Variants in NR5A1 observed in about 807,000 individuals in gnomAD.
NR5A1 encodes the protein nuclear receptor subfamily 5 group A member 1, also known as steroidogenic factor 1.
NR5A1 carries 6 observed loss-of-function variants against 42.7 expected under a neutral mutation model. That is an observed-to-expected ratio of 0.14 (90% CI 0.08 to 0.28). The LOEUF (loss-of-function observed/expected upper bound fraction) is 0.28, where lower values mean the gene tolerates loss of function less well. NR5A1 is among the 10% of genes least tolerant of loss of function. The pLI is 1.00. For synonymous variants in NR5A1, 274 were observed against 277.5 expected, an observed-to-expected ratio of 0.99 and a Z score of 0.12; for missense variants, 442 against 626.4, an observed-to-expected ratio of 0.71 and a Z score of 3.14.
intron 6 of NR5A1, among the ~76,000 whole-genome samples, chr9:124,488,415 T>C (rs1273890712): frequency 2.0e-5 from 3 of 152,136 alleles, no homozygotes; most frequent in African/African-American, 7.2e-5. Context: ...CCTCACCAGG[T>C]TCCTGGCCTG....
At chr9:124,506,933 G>A (rs1371451032) in intron 1 of NR5A1, 1 of 152,832 alleles carries the variant, frequency 6.5e-6, no homozygotes, top group Admixed American at 6.5e-5. Context: ...GACAGGCCCA[G>A]AGCCCTCCAG....
At position 124,502,178 on chromosome 9, in the gene NR5A1, G is replaced by T. The variant is rs78659460; in HGVS notation, c.244+901C>A. Among the ~76,000 whole-genome samples the T allele has an allele frequency of 1.7e-3, 264 of 152,280 alleles. 4 individuals are homozygous for T. In the East Asian group the frequency reaches 0.047, roughly 27 times the overall value. On this transcript the variant is annotated intron_variant, in intron 3 of 6. Coordinates refer to ENST00000373588, the MANE Select transcript of NR5A1 (RefSeq NM_004959.5). ...CAGATCCTAATGGAAAGCGTGATGGGCTTGACAGCTAACCTGCGGCAATGA... is the reference window on the plus strand; with the variant it reads ...CAGATCCTAATGGAAAGCGTGATGGTCTTGACAGCTAACCTGCGGCAATGA...
intron 4 of NR5A1, among the ~76,000 whole-genome samples, chr9:124,495,149 C>A (rs1832371434): frequency 6.6e-6 from 1 of 152,218 alleles, no homozygotes; most frequent in Non-Finnish European, 1.5e-5. Context: ...CTCCAGCTCC[C>A]AGCAAAGCTT....
chr9:124,505,590 T>C (rs1188709860), intron 1 of NR5A1, among the ~76,000 whole-genome samples: 1 of 152,178 alleles, frequency 6.6e-6, no homozygotes. Flanking sequence ...GGCGCCCCTC[T>C]GGGGAGATCT....
At position 124,498,620 on chromosome 9, in the gene NR5A1, T is replaced by C. The variant is rs148043345; in HGVS notation, c.870+1470A>G. Among the ~76,000 whole-genome samples the C allele has an allele frequency of 3.3e-3, 499 of 152,328 alleles. 1 individual carries two copies. Among genetic ancestry groups the C allele is most frequent in the African/African-American group, 0.01 (435 of 41,578 alleles). On this transcript the variant is annotated intron_variant, in intron 4 of 6. Coordinates refer to ENST00000373588, the MANE Select transcript of NR5A1 (RefSeq NM_004959.5). This position sits in a 1 kb window ranked among gnomAD's most constrained non-coding sequence, Gnocchi z 4.6. ...GAAGCTAGCAACCAACCCAAGATGCTTGGGGTCCTCATCCCCACCAGGGCC... is the reference window on the plus strand; with the variant it reads ...GAAGCTAGCAACCAACCCAAGATGCCTGGGGTCCTCATCCCCACCAGGGCC...
chr9:124,488,299 G>A (rs1207380944), intron 6 of NR5A1, among the ~76,000 whole-genome samples: 2 of 151,960 alleles, frequency 1.3e-5, no homozygotes, highest in Admixed American at 1.3e-4. Context: ...TCCCAACCTG[G>A]AACTGGCCAG....
At chr9:124,491,036 C>CCCCCCCCGGGGGGGGG in intron 6 of NR5A1, 45 bp downstream of exon 6, 5 of 1,401,594 alleles carry the variant, frequency 3.6e-6, no homozygotes, top group Non-Finnish European at 4.8e-6. Flanking sequence ...CCCACCCACC[C>CCCCCCCCGGGGGGGGG]GCCTCTGGCT....
intron 3 of NR5A1, among the ~76,000 whole-genome samples, chr9:124,502,800 T>C (rs1832488581): frequency 6.6e-6 from 1 of 152,194 alleles, no homozygotes; most frequent in Non-Finnish European, 1.5e-5. Context: ...GCCGACCCTG[T>C]GCTGGGGCCC....
intron 6 of NR5A1, among the ~76,000 whole-genome samples, chr9:124,489,277 T>C (rs1832267652): frequency 6.6e-6 from 1 of 152,142 alleles, no homozygotes; most frequent in South Asian, 2.1e-4. Flanking sequence ...CCAGTGGCCT[T>C]GTGATGGCAG....
In NR5A1 at chr9:124,502,989, T is replaced by G; in HGVS notation, c.244+90A>C. 8 of 1,425,002 alleles carry G rather than the reference T, an allele frequency of 5.6e-6. No homozygotes were observed. In the South Asian group the frequency reaches 1.0e-4, roughly 18 times the overall value. 88.3% of individuals were successfully genotyped at this position (1,425,002 alleles called of 1,614,324 possible). On this transcript the variant is annotated intron_variant, in intron 3 of 6. Transcript: ENST00000373588. ...CACGAGGGGCCTTCGCGAAGGCCAA[T>G]GGTACTATCCCCTCAGCCCCTCTCC...
intron 1 of NR5A1, among the ~76,000 whole-genome samples, chr9:124,506,144 C>G (rs1012840584): frequency 4.6e-5 from 7 of 152,230 alleles, no homozygotes; most frequent in Non-Finnish European, 1.0e-4. Flanking sequence ...GAGAACCCCC[C>G]GCGCAGACCG....
chr9:124,492,016 T>A (rs548587324), intron 5 of NR5A1, among the ~76,000 whole-genome samples: 1 of 151,278 alleles, frequency 6.6e-6, no homozygotes, highest in Admixed American at 6.6e-5. Flanking sequence ...GACACCCCCC[T>A]GGGACCAGTG....
chr9:124,484,366 G>T (rs1444016879), intron 6 of NR5A1, among the ~76,000 whole-genome samples: 1 of 152,198 alleles, frequency 6.6e-6, no homozygotes, highest in South Asian at 2.1e-4. Context: ...CCCACACAAT[G>T]CAGGGCAAAG....
intron 4 of NR5A1, among the ~76,000 whole-genome samples, chr9:124,495,048 C>A (rs1832369968): frequency 6.6e-6 from 1 of 152,178 alleles, no homozygotes; most frequent in South Asian, 2.1e-4. Context: ...AGGAACTGCA[C>A]ACAGACAGAC....
At chr9:124,506,077 G>A (rs1431927555) in intron 1 of NR5A1, among the ~76,000 whole-genome samples, 1 of 152,202 alleles carries the variant, frequency 6.6e-6, no homozygotes, top group Non-Finnish European at 1.5e-5. Context: ...GCTCCCGCCC[G>A]CCTGGAGGCC....
chr9:124,485,837 C>T (rs1832199703), intron 6 of NR5A1, among the ~76,000 whole-genome samples: 1 of 152,212 alleles, frequency 6.6e-6, no homozygotes, highest in Non-Finnish European at 1.5e-5. Context: ...ATCCCTGTCC[C>T]ATCTGCCTTC....
rs1207885611 is a variant in NR5A1 at position 124,503,340 on chromosome 9, T to C, written c.56A>G (p.Lys19Arg). Residue 19 changes from lysine (K) to arginine (R), a missense_variant, in exon 2 of 7, where the codon AAG becomes AGG. Around this residue, in one of 3 missense-constraint regions of NR5A1, gnomAD observed 71 missense variants for 156.8 expected, o/e 0.45. Transcript: ENST00000373588. This position sits in a 1 kb window ranked among gnomAD's most constrained non-coding sequence, Gnocchi z 9.6. ...LDELCPVCGD[K>R]VSGYHYGLLT... ...CAGTCCGTAGTGGTAGCCGGACACC[T>C]TGTCCCCGCACACGGGGCACAGCTC... 1.2e-6 allele frequency: 2 copies of C among 1,611,674 alleles called. No individual in the cohort carries two copies. Among genetic ancestry groups the C allele is most frequent in the Admixed American group, 1.7e-5 (1 of 59,930 alleles).
chr9:124,482,687 T>G lies in NR5A1; in HGVS notation c.*71A>C. The stretch of plus-strand genomic sequence containing the variant: ...AAAATGAACCATGCGGAGCCAGCGG[T>G]GTGGCTGCGGCCCCGCCCAGGCCCC... On this transcript the variant is annotated 3_prime_UTR_variant, in exon 7 of 7. Transcript: ENST00000373588. 8.1e-7 allele frequency: 1 copy of G among 1,242,040 alleles called. No homozygotes were observed. The highest frequency in any genetic ancestry group is 1.1e-6 in the Non-Finnish European group (1 of 893,440). 76.9% of individuals were successfully genotyped at this position (1,242,040 alleles called of 1,614,324 possible). A position where few individuals can be genotyped will look rare whatever the true frequency, so the allele number is the denominator to read the frequency against.
Position 124,503,049 on chromosome 9 carries a change from G to A in NR5A1, c.244+30C>T, listed in dbSNP as rs1437813735. 10 of 1,546,438 alleles carry A rather than the reference G, an allele frequency of 6.5e-6. No individual in the cohort carries two copies. Among genetic ancestry groups the A allele is most frequent in the East Asian group, 2.4e-5 (1 of 41,824 alleles). ...CCCCTACCCCCTCAGGCTGTGGGGG[G>A]TCAGGGGTCGAGGCCCGCGCGGCGC... On this transcript the variant is annotated intron_variant, in intron 3 of 6. Transcript: ENST00000373588. The surrounding 1 kb of genome is among the most constrained non-coding windows in gnomAD (Gnocchi z 9.6).
Sources: gnomAD v4.1 joint callset for allele counts (sites outside exome capture counted in the v4.1 genomes callset) on GRCh38, gnomAD v4.1.1 for gene constraint, gnomAD v4.1.1 regional missense constraint, Gnocchi (gnomAD v3.1) non-coding constraint, MANE v1.5 for transcripts, NCBI Gene and HGNC (gene_info 2026-07-23, HGNC 2026-07-21) for gene names.